Variants in WDR59 observed in about 807,000 individuals in gnomAD.
The protein encoded by WDR59 is GATOR2 complex protein WDR59.
A neutral mutation model predicts 131.2 loss-of-function variants in WDR59; 100 were observed. The ratio of observed to expected loss-of-function variants is 0.76; its 90% CI spans 0.65 to 0.90. WDR59 has a LOEUF of 0.90. Ranked by LOEUF, WDR59 falls within the 40% of genes least tolerant of loss-of-function variation. The pLI, the probability that WDR59 is intolerant of heterozygous loss-of-function variation, is 0.00. For synonymous variants in WDR59, 601 were observed against 466.2 expected (o/e 1.29, Z -3.72); for missense variants, 1,203 against 1,262.2 (o/e 0.95, Z 0.71).
intron 17 of WDR59, among the ~76,000 whole-genome samples, chr16:74,907,457 A>G (rs1597686140): frequency 6.6e-6 from 1 of 151,230 alleles, no homozygotes; most frequent in Non-Finnish European, 1.5e-5. Flanking sequence ...TCACATACAC[A>G]CTCTCTTTCG....
chr16:74,976,858 T>C (rs1402500719), intron 1 of WDR59, among the ~76,000 whole-genome samples: 1 of 151,902 alleles, frequency 6.6e-6, no homozygotes, highest in East Asian at 1.9e-4. Flanking sequence ...AATACAAACA[T>C]TAGCCCGGCC....
At chr16:74,969,024 T>C (rs892610339) in intron 1 of WDR59, among the ~76,000 whole-genome samples, 1 of 152,178 alleles carries the variant, frequency 6.6e-6, no homozygotes, top group African/African-American at 2.4e-5. Flanking sequence ...CCAAGCCCTC[T>C]CCACCCTCAG....
At chr16:74,913,944 C>T (rs1042085522) in intron 13 of WDR59, among the ~76,000 whole-genome samples, 21 of 152,204 alleles carry the variant, frequency 1.4e-4, no homozygotes, top group Admixed American at 9.8e-4. Flanking sequence ...CAGTGGCTCA[C>T]GCCTGTAATC....
chr16:74,902,704 G>C (rs1417861870), intron 18 of WDR59, among the ~76,000 whole-genome samples: 1 of 152,118 alleles, frequency 6.6e-6, no homozygotes, highest in Non-Finnish European at 1.5e-5. Flanking sequence ...CCATGAGCCT[G>C]GCTTTCATCT....
In WDR59 at chr16:74,874,460, G is replaced by T. The variant is rs769786149; in HGVS notation, c.2690-16C>A. The T allele has an allele frequency of 6.2e-7, 1 of 1,611,876 alleles. No individual in the cohort carries two copies. The highest frequency in any genetic ancestry group is 1.7e-5 in the Admixed American group (1 of 59,928). ...ACGCCGAACTCTGGAAATGGGCAGG[G>T]ACGGGCAAAACAAGAGGCAGCATGA... On this transcript the variant is annotated splice_polypyrimidine_tract_variant and intron_variant, in intron 25 of 25. Coordinates refer to ENST00000262144, the MANE Select transcript of WDR59 (RefSeq NM_030581.4).
At chr16:74,901,766 C>T (rs1965565125) in intron 18 of WDR59, among the ~76,000 whole-genome samples, 1 of 152,044 alleles carries the variant, frequency 6.6e-6, no homozygotes, top group Non-Finnish European at 1.5e-5. Flanking sequence ...TGAAACTAGG[C>T]AGCTGAGGAT....
intron 8 of WDR59, among the ~76,000 whole-genome samples, chr16:74,933,545 T>C (rs1419733859): frequency 1.3e-5 from 2 of 152,208 alleles, no homozygotes; most frequent in Non-Finnish European, 2.9e-5. Context: ...GTATTTAACT[T>C]TAGTTTCACT....
chr16:74,874,571 G>T, intron 25 of WDR59, 127 bp from the exon 26 acceptor site: 2 of 729,828 alleles, frequency 2.7e-6, no homozygotes, highest in Admixed American at 3.0e-5. Context: ...TTAGACCAGT[G>T]GTTTTCATTT....
intron 1 of WDR59, among the ~76,000 whole-genome samples, chr16:74,966,592 G>A (rs968299956): frequency 1.3e-5 from 2 of 152,136 alleles, no homozygotes; most frequent in Admixed American, 6.6e-5. Flanking sequence ...CTTCTTGCAA[G>A]TGAAACCTAA....
At chr16:74,980,356 C>CTT (rs35672894) in intron 1 of WDR59, among the ~76,000 whole-genome samples, 5,595 of 132,500 alleles carry the variant, frequency 0.042, 180 homozygotes, top group Middle Eastern at 0.13. Context: ...AAATCTAAGT[C>CTT]TTTTTTTTTT....
intron 11 of WDR59, 121 bp downstream of exon 11, chr16:74,917,808 C>CAAAAAAAAAA (rs34773155): frequency 2.6e-6 from 1 of 389,192 alleles, no homozygotes; most frequent in Non-Finnish European, 4.1e-6. Flanking sequence ...GACGCACTCT[C>CAAAAAAAAAA]AAAAAAAAAA....
At chr16:74,978,206 C>A (rs1020566480) in intron 1 of WDR59, among the ~76,000 whole-genome samples, 2 of 151,898 alleles carry the variant, frequency 1.3e-5, no homozygotes, top group African/African-American at 4.8e-5. Context: ...TCCTGTAATC[C>A]CAGCTACTCA....
At chr16:74,876,571 T>C (rs1198654213) in intron 25 of WDR59, among the ~76,000 whole-genome samples, 1 of 152,202 alleles carries the variant, frequency 6.6e-6, no homozygotes, top group East Asian at 1.9e-4. Context: ...CTACAGTGAA[T>C]CGGATTAAAT....
chr16:74,956,345 C>G (rs1316002602), intron 3 of WDR59, 130 bp downstream of exon 3: 4 of 1,262,092 alleles, frequency 3.2e-6, no homozygotes, highest in Non-Finnish European at 4.2e-6. Context: ...GTCTTTTTCT[C>G]AGAACCATCC....
At position 74,915,981 on chromosome 16, in the gene WDR59, A is replaced by T; in HGVS notation, c.1113T>A (p.Asp371Glu). The T allele has an allele frequency of 6.2e-7, 1 of 1,613,986 alleles. No homozygotes were observed. The highest frequency in any genetic ancestry group is 1.1e-5 in the South Asian group (1 of 91,066). The change falls in exon 13 of 26, where the codon GAT (aspartate) becomes GAA (glutamate). Residue 371 changes from aspartate to glutamate, a missense_variant. By Grantham distance (45) the Asp-to-Glu change is conservative (BLOSUM62 2). Transcript: ENST00000262144. ...SHGEEEALKE[D>E]PPRNLLEERK... Reference sequence around the variant, plus strand: ...TCTCTTCCAGGAGATTTCTAGGGGGATCTTCTTTTAGGGCTAGCAGGAGAG... The same window carrying T: ...TCTCTTCCAGGAGATTTCTAGGGGGTTCTTCTTTTAGGGCTAGCAGGAGAG...
intron 25 of WDR59, among the ~76,000 whole-genome samples, chr16:74,882,511 T>A (rs1964535776): frequency 6.6e-6 from 1 of 152,164 alleles, no homozygotes; most frequent in Admixed American, 6.5e-5. Context: ...GGCAGGCACA[T>A]CGCTTGAGGC....
chr16:74,968,370 A>G (rs1353445469), intron 1 of WDR59, among the ~76,000 whole-genome samples: 1 of 152,214 alleles, frequency 6.6e-6, no homozygotes, highest in East Asian at 1.9e-4. Flanking sequence ...AGGAGCTGAG[A>G]GTGCCTCGAC....
At chr16:74,899,841 T>A in intron 18 of WDR59, 1 of 968,844 alleles carries the variant, frequency 1.0e-6, no homozygotes, top group Non-Finnish European at 1.4e-6. Flanking sequence ...AATGAAAGCT[T>A]CCCACACATC....
At chr16:74,943,996 G>A (rs186376287) in intron 6 of WDR59, among the ~76,000 whole-genome samples, 131 of 152,230 alleles carry the variant, frequency 8.6e-4, no homozygotes, top group African/African-American at 2.9e-3. Context: ...TGGCTTCTTC[G>A]CACGGAAGGA....
Sources: allele counts gnomAD v4.1 joint callset (sites outside exome capture counted in the v4.1 genomes callset), GRCh38; gene constraint gnomAD v4.1.1; transcripts MANE v1.5; gene names NCBI Gene and HGNC (gene_info 2026-07-23, HGNC 2026-07-21).